SUMF1: variants seen among roughly 807,000 people sequenced by gnomAD.
SUMF1 encodes sulfatase modifying factor 1.
In SUMF1, 48 loss-of-function variants were observed where a neutral mutation model predicts 47.6. The ratio of observed to expected loss-of-function variants is 1.01; its 90% CI spans 0.80 to 1.28. The LOEUF (loss-of-function observed/expected upper bound fraction) is 1.28. SUMF1 is among the 50% of genes most tolerant of loss of function. SUMF1 has a pLI of 0.00. For missense variants in SUMF1, 571 were observed against 485.4 expected, an observed-to-expected ratio of 1.18 and a Z score of -1.66; for synonymous variants, 230 against 192.1, an observed-to-expected ratio of 1.20 and a Z score of -1.63.
chr3:4,185,759 G>A (rs983976505), intron 8 of SUMF1, among the ~76,000 whole-genome samples: 4 of 152,184 alleles, frequency 2.6e-5, no homozygotes, highest in African/African-American at 9.7e-5. Context: ...TAAAGAGAAG[G>A]AAAGTGTTTA....
chr3:4,118,579 A>C (rs576012852), intron 8 of SUMF1, among the ~76,000 whole-genome samples: 1 of 152,208 alleles, frequency 6.6e-6, no homozygotes, highest in South Asian at 2.1e-4. Flanking sequence ...TACTATTTAT[A>C]CTTATTGTAT....
At chr3:4,134,591 A>G (rs1693875835) in intron 8 of SUMF1, among the ~76,000 whole-genome samples, 2 of 152,104 alleles carry the variant, frequency 1.3e-5, no homozygotes, top group Non-Finnish European at 1.5e-5. Context: ...ATTCAAAAGC[A>G]GAAGGCAGAA....
At chr3:4,161,442 G>T (rs1694574582) in intron 8 of SUMF1, among the ~76,000 whole-genome samples, 1 of 152,126 alleles carries the variant, frequency 6.6e-6, no homozygotes. Flanking sequence ...GGTAGCCAGG[G>T]CCTGGAGTTG....
chr3:4,249,141 A>T (rs548163432), intron 8 of SUMF1, among the ~76,000 whole-genome samples: 1 of 152,318 alleles, frequency 6.6e-6, no homozygotes, highest in East Asian at 1.9e-4. Context: ...CAGTAGAGAA[A>T]ATAAGTTCTG....
chr3:4,282,709 T>C (rs540904379), intron 8 of SUMF1, among the ~76,000 whole-genome samples: 1 of 152,326 alleles, frequency 6.6e-6, no homozygotes, highest in East Asian at 1.9e-4. Flanking sequence ...GAAAATCTTA[T>C]TTTGAAACTT....
intron 7 of SUMF1, among the ~76,000 whole-genome samples, chr3:4,399,124 C>T (rs533666371): frequency 2.3e-4 from 35 of 152,112 alleles, no homozygotes; most frequent in Admixed American, 4.6e-4. Flanking sequence ...AAAACGCATG[C>T]GTGAACACTT....
intron 8 of SUMF1, among the ~76,000 whole-genome samples, chr3:4,083,606 A>AT (rs1559456516): frequency 6.6e-6 from 1 of 152,150 alleles, no homozygotes; most frequent in East Asian, 1.9e-4. Flanking sequence ...AGGAAAGCAC[A>AT]TTCCATCCAA....
chr3:4,257,568 C>T (rs1461846693), intron 8 of SUMF1, among the ~76,000 whole-genome samples: 2 of 150,582 alleles, frequency 1.3e-5, no homozygotes, highest in African/African-American at 2.5e-5. Context: ...TGTGAAGGAC[C>T]TCTTCAAGGA....
rs561962647 is a variant in SUMF1, at chr3:4,457,030, G to A, written c.271-3981C>T. ...TATACGTGTGTGTACATATATATAC[G>A]TGTGTGTGTATATATATATACGTGT... On this transcript the variant is annotated intron_variant, in intron 1 of 8. Coordinates refer to ENST00000272902, the MANE Select transcript of SUMF1 (RefSeq NM_182760.4). Among the ~76,000 whole-genome samples, 52 of 126,682 alleles carry A rather than the reference G, an allele frequency of 4.1e-4. No homozygotes were observed. In the East Asian group the frequency reaches 0.011, roughly 27 times the overall value. The allele number at this position is 126,682 out of a possible 152,430, so 83.1% of individuals were successfully genotyped here.
intron 9 of SUMF1, among the ~76,000 whole-genome samples, chr3:4,053,273 C>T (rs531032535): frequency 7.4e-4 from 112 of 152,194 alleles, no homozygotes; most frequent in Non-Finnish European, 1.2e-3. Flanking sequence ...ATTAAGTTTG[C>T]CGTCTTTTAT....
intron 9 of SUMF1, among the ~76,000 whole-genome samples, chr3:4,066,676 GT>G (rs1216252865): frequency 6.6e-6 from 1 of 152,000 alleles, no homozygotes; most frequent in Non-Finnish European, 1.5e-5. Context: ...ATTTTAGCTG[GT>G]TAGAAAGAAC....
intron 8 of SUMF1, among the ~76,000 whole-genome samples, chr3:4,365,099 G>T (rs1699905748): frequency 6.7e-6 from 1 of 149,636 alleles, no homozygotes; most frequent in Non-Finnish European, 1.5e-5. Context: ...TATAATTTCT[G>T]TTCTTTTACA....
chr3:4,062,619 C>T (rs1461023632), intron 9 of SUMF1, among the ~76,000 whole-genome samples: 1 of 151,974 alleles, frequency 6.6e-6, no homozygotes, highest in African/African-American at 2.4e-5. Context: ...GAGGAATGAG[C>T]GCAATGTGGT....
intron 8 of SUMF1, among the ~76,000 whole-genome samples, chr3:4,166,267 G>C (rs1483089129): frequency 6.6e-6 from 1 of 152,118 alleles, no homozygotes; most frequent in African/African-American, 2.4e-5. Context: ...CCTCAAAATG[G>C]AGCAGAGGAC....
At chr3:4,127,620 G>A (rs1693685030) in intron 8 of SUMF1, among the ~76,000 whole-genome samples, 2 of 152,118 alleles carry the variant, frequency 1.3e-5, no homozygotes, top group East Asian at 1.9e-4. Flanking sequence ...TCCTCAGCCT[G>A]CAGACAGCCT....
At chr3:4,363,405 G>A (rs188085918) in intron 8 of SUMF1, among the ~76,000 whole-genome samples, 83 of 152,180 alleles carry the variant, frequency 5.5e-4, no homozygotes, top group African/African-American at 2.0e-3. Context: ...TCATTGAGCA[G>A]TGGTTTGTAG....
At chr3:4,107,156 A>G (rs1374408273) in intron 8 of SUMF1, among the ~76,000 whole-genome samples, 1 of 151,958 alleles carries the variant, frequency 6.6e-6, no homozygotes, top group African/African-American at 2.4e-5. Flanking sequence ...GTGTCACTAA[A>G]CTCTAAGTTG....
At chr3:4,048,968 A>G (rs540808158) in intron 9 of SUMF1, among the ~76,000 whole-genome samples, 23 of 152,276 alleles carry the variant, frequency 1.5e-4, no homozygotes, top group African/African-American at 5.5e-4. Flanking sequence ...AAGGCTTCTA[A>G]GTAGGCCTTG....
rs966333750 is a variant in SUMF1, at chr3:4,039,557, AT to A, written c.1191+29011del. The stretch of plus-strand genomic sequence containing the variant: ...TCCCTACAAAGGATATGAACTCATC[AT>A]TTTTTATGGCTGCATAGTATTCCAT... On this transcript the variant is annotated intron_variant and NMD_transcript_variant, in intron 9 of 12. Transcript: ENST00000448413. Among the ~76,000 whole-genome samples, 4 of 145,314 alleles carry A rather than the reference AT, an allele frequency of 2.8e-5. No homozygotes were observed. The South Asian group carries it at 6.6e-4, about 24-fold the overall frequency.
Sources: gnomAD v4.1 joint callset for allele counts (sites outside exome capture counted in the v4.1 genomes callset) on GRCh38, gnomAD v4.1.1 for gene constraint, MANE v1.5 for transcripts, NCBI Gene and HGNC (gene_info 2026-07-23, HGNC 2026-07-21) for gene names.